Variants in KIF1A observed in about 807,000 individuals in gnomAD.
KIF1A encodes kinesin-like protein KIF1A.
A neutral mutation model predicts 227.3 loss-of-function variants in KIF1A; 46 were observed. The ratio of observed to expected loss-of-function variants is 0.20; its 90% CI spans 0.16 to 0.26. KIF1A has a LOEUF of 0.26. KIF1A is among the 10% of genes least tolerant of loss of function. The probability of loss-of-function intolerance (pLI) is 1.00; values close to 1 mark genes in which losing one functional copy is unlikely to be tolerated. For missense variants in KIF1A, 1,683 were observed against 2,485.9 expected, an observed-to-expected ratio of 0.68 and a Z score of 6.87; for synonymous variants, 1,022 against 1,012.8, an observed-to-expected ratio of 1.01 and a Z score of -0.17.
At position 240,775,364 on chromosome 2, in the gene KIF1A, C is replaced by T. The variant is rs143874463; in HGVS notation, c.958+487G>A. The stretch of plus-strand genomic sequence containing the variant: ...GTTGGGGAGGACTCTGAGGTTATTC[C>T]GGGATGGACGGGATCAGCGTCGGGT... On this transcript the variant is annotated intron_variant, in intron 11 of 48. Transcript: ENST00000498729. This position sits in a 1 kb window ranked among gnomAD's most constrained non-coding sequence, Gnocchi z 5.5. Among the ~76,000 whole-genome samples the T allele has an allele frequency of 0.018, 2,721 of 152,322 alleles. 30 individuals carry two copies. Among genetic ancestry groups the T allele is most frequent in the South Asian group, 0.031 (152 of 4,830 alleles).
At chr2:240,760,591 A>C (rs2125889244) in intron 25 of KIF1A, 74 bp downstream of exon 25, 11 of 1,225,692 alleles carry the variant, frequency 9.0e-6, no homozygotes, top group Non-Finnish European at 1.2e-5. Context: ...GCCTGTGCCT[A>C]CCACCGCTCC....
At chr2:240,813,718 G>A (rs1211355907) in intron 1 of KIF1A, among the ~76,000 whole-genome samples, 2 of 151,828 alleles carry the variant, frequency 1.3e-5, no homozygotes, top group African/African-American at 2.4e-5. Context: ...GGGGTGAGCA[G>A]CAGCAGCCCT....
intron 38 of KIF1A, chr2:240,734,806 G>T: frequency 2.4e-6 from 3 of 1,248,000 alleles, no homozygotes; most frequent in African/African-American, 1.5e-5. Context: ...GGAGCGGGGT[G>T]GGGGACAGGC....
chr2:240,769,162 C>G lies in KIF1A; in HGVS notation c.1468G>C (p.Gly490Arg). The G allele has an allele frequency of 1.2e-6, 2 of 1,611,124 alleles. No homozygotes were observed. Among genetic ancestry groups the G allele is most frequent in the Non-Finnish European group, 8.5e-7 (1 of 1,178,990 alleles). The change falls in exon 17 of 49, where the codon GGC (glycine) becomes CGC (arginine). Residue 490 changes from glycine (G) to arginine (R), a missense_variant. Physicochemically the swap from Gly to Arg is moderately radical, Grantham distance 125. Around this residue, in one of 12 missense-constraint regions of KIF1A, gnomAD observed 217 missense variants for 427.0 expected, o/e 0.51. Coordinates refer to ENST00000498729, the MANE Select transcript of KIF1A (RefSeq NM_001244008.2). ...TTGGGAGAGAATACGCCCAAGGTGC[C>G]GCCATCCTCCCTCATGGCCACACCC... ...EMGVAMREDGGTLGVFSPKKT... is the reference protein window; with the variant it reads ...EMGVAMREDGRTLGVFSPKKT...
chr2:240,760,738 G>C lies in KIF1A; in HGVS notation c.2371C>G (p.Arg791Gly), dbSNP rs768035823. Residue 791 changes from arginine to glycine, a missense_variant, in exon 25 of 49, where the codon CGC becomes GGC. Arg to Gly is a moderately radical substitution (Grantham distance 125). Coordinates refer to ENST00000498729, the MANE Select transcript of KIF1A (RefSeq NM_001244008.2). ...AKDRETRPFP[R>G]TIVAVEVQDQ... Reference sequence around the variant, plus strand: ...TGGACCTCCACGGCCACAATGGTGCGGGGGAAGGGCCGCGTCTCTCGGTCT... The same window carrying C: ...TGGACCTCCACGGCCACAATGGTGCCGGGGAAGGGCCGCGTCTCTCGGTCT... 2 of 1,596,924 alleles carry C rather than the reference G, an allele frequency of 1.3e-6. No individual in the cohort carries two copies. Among genetic ancestry groups the C allele is most frequent in the Non-Finnish European group, 1.7e-6 (2 of 1,171,338 alleles).
intron 1 of KIF1A, among the ~76,000 whole-genome samples, chr2:240,806,170 CGCCTTGGCA>C (rs1191730871): frequency 1.3e-5 from 2 of 152,208 alleles, no homozygotes; most frequent in Non-Finnish European, 2.9e-5. Flanking sequence ...AGGACCCAAG[CGCCTTGGCA>C]GCTTTGACAG....
At chr2:240,780,613 C>T (rs2053532632) in intron 10 of KIF1A, among the ~76,000 whole-genome samples, 1 of 152,068 alleles carries the variant, frequency 6.6e-6, no homozygotes, top group African/African-American at 2.4e-5. Context: ...CGGCACCACG[C>T]ACAGCTCATG....
At chr2:240,749,131 A>G (rs1274450755) in intron 28 of KIF1A, among the ~76,000 whole-genome samples, 2 of 152,158 alleles carry the variant, frequency 1.3e-5, no homozygotes, top group African/African-American at 4.8e-5. Context: ...GTCCAAAAAA[A>G]AAAAAAGAAA....
intron 1 of KIF1A, among the ~76,000 whole-genome samples, chr2:240,802,223 T>G (rs2057037232): frequency 6.6e-6 from 1 of 151,970 alleles, no homozygotes; most frequent in African/African-American, 2.4e-5. Context: ...ATGAAAGAGG[T>G]AACAGTAATC....
chr2:240,719,337 G>A, intron 46 of KIF1A, 139 bp from the exon 47 acceptor site: 1 of 960,422 alleles, frequency 1.0e-6, no homozygotes, highest in Non-Finnish European at 1.5e-6. Flanking sequence ...AGGCATCGAA[G>A]GGCACCTGGC....
chr2:240,742,559 C>G (rs971662863), intron 34 of KIF1A, among the ~76,000 whole-genome samples: 5 of 152,336 alleles, frequency 3.3e-5, no homozygotes, highest in Admixed American at 3.3e-4. Context: ...ACCCCACACT[C>G]TCGCTCCCAC....
At chr2:240,730,494 A>C (rs917646568) in intron 38 of KIF1A, among the ~76,000 whole-genome samples, 10 of 152,112 alleles carry the variant, frequency 6.6e-5, no homozygotes, top group Non-Finnish European at 1.5e-4. Flanking sequence ...ACTCTATCCC[A>C]CGTGACAGCA....
At position 240,750,514 on chromosome 2, in the gene KIF1A, G is replaced by A. The variant is rs771617148; in HGVS notation, c.2892C>T (p.Pro964=). 27 of 1,613,764 alleles carry A rather than the reference G, an allele frequency of 1.7e-5. No homozygotes were observed. The highest frequency in any genetic ancestry group is 1.6e-4 in the Middle Eastern group (1 of 6,078). The change falls in exon 28 of 49, where the codon CCC becomes CCT. Residue 964 remains proline (P), a synonymous_variant. Transcript: ENST00000498729. ...TTGCCACACGGTGTACCAGGGGAAC[G>A]GGGTACAGCAGGTTGCTCAGGTACA... ...AFVYLSNLLY[P]VPLVHRVAIV...
chr2:240,788,041 C>CCCGGCGGG lies in KIF1A; in HGVS notation c.363+9_363+10insCCCGCCGG. 2 of 1,520,686 alleles carry CCCGGCGGG rather than the reference C, an allele frequency of 1.3e-6. No homozygotes were observed. Among genetic ancestry groups the CCCGGCGGG allele is most frequent in the Non-Finnish European group, 1.8e-6 (2 of 1,121,318 alleles). The allele number at this position is 1,520,686 out of a possible 1,614,324, so 94.2% of individuals were successfully genotyped here. The stretch of plus-strand genomic sequence containing the variant: ...GCCAGGGCTGCCCCCGCCCGCCCCC[C>CCCGGCGGG]GCTTCGTGCCTGTGGGATGATGCCC... On this transcript the variant is annotated intron_variant, in intron 4 of 48. Transcript: ENST00000498729. This position sits in a 1 kb window ranked among gnomAD's most constrained non-coding sequence, Gnocchi z 6.6.
At chr2:240,802,131 G>C in intron 1 of KIF1A, among the ~76,000 whole-genome samples, 1 of 148,810 alleles carries the variant, frequency 6.7e-6, no homozygotes, top group Middle Eastern at 3.5e-3. Flanking sequence ...ACCTTTAAAG[G>C]AGCAAAAATA....
At chr2:240,733,768 T>C (rs868111577) in intron 38 of KIF1A, among the ~76,000 whole-genome samples, 14 of 152,316 alleles carry the variant, frequency 9.2e-5, no homozygotes, top group Middle Eastern at 3.4e-3. Context: ...TAAAGGCCCA[T>C]CATTGGTCTG....
intron 2 of KIF1A, among the ~76,000 whole-genome samples, chr2:240,796,496 T>G (rs188524844): frequency 1.3e-5 from 2 of 152,280 alleles, no homozygotes; most frequent in African/African-American, 4.8e-5. Context: ...TCTCCCACAG[T>G]GCATCCTGGG....
At position 240,760,360 on chromosome 2, in the gene KIF1A, C is replaced by A. The variant is rs144439567; in HGVS notation, c.2444+305G>T. Among the ~76,000 whole-genome samples, 612 of 152,388 alleles carry A rather than the reference C, an allele frequency of 4.0e-3. 1 individual carries two copies. Among genetic ancestry groups the A allele is most frequent in the Middle Eastern group, 0.031 (9 of 294 alleles). Reference sequence around the variant, plus strand: ...CTGTCGGTGCCACAGCCTGCCCTCCCCTCCACTGCACCGTCCTGACCCCTG... The same window carrying A: ...CTGTCGGTGCCACAGCCTGCCCTCCACTCCACTGCACCGTCCTGACCCCTG... On this transcript the variant is annotated intron_variant, in intron 25 of 48. Coordinates refer to ENST00000498729, the MANE Select transcript of KIF1A (RefSeq NM_001244008.2).
chr2:240,807,636 A>G (rs2057541884), intron 1 of KIF1A, among the ~76,000 whole-genome samples: 1 of 152,262 alleles, frequency 6.6e-6, no homozygotes, highest in African/African-American at 2.4e-5. Flanking sequence ...TCACAGATGC[A>G]GAACCCACAG....
Sources: gnomAD v4.1 joint callset for allele counts (sites outside exome capture counted in the v4.1 genomes callset) on GRCh38, gnomAD v4.1.1 for gene constraint, gnomAD v4.1.1 regional missense constraint, Gnocchi (gnomAD v3.1) non-coding constraint, MANE v1.5 for transcripts, NCBI Gene and HGNC (gene_info 2026-07-23, HGNC 2026-07-21) for gene names.